Variants in MBNL3 observed in about 807,000 individuals in gnomAD.
MBNL3 encodes the protein muscleblind-like protein 3.
MBNL3 carries 6 observed loss-of-function variants against 24.5 expected under a neutral mutation model. The ratio of observed to expected loss-of-function variants is 0.25; its 90% confidence interval spans 0.13 to 0.48. The LOEUF is 0.48. MBNL3 is among the 20% of genes least tolerant of loss of function. MBNL3 has a pLI of 0.99. For missense variants in MBNL3, 230 were observed against 293.5 expected, an observed-to-expected ratio of 0.78 and a Z score of 1.58; for synonymous variants, 100 against 101.7, an observed-to-expected ratio of 0.98 and a Z score of 0.10.
chrX:132,396,913 T>C (rs1277841254), intron 3 of MBNL3, among the ~76,000 whole-genome samples: 2 of 71,425 alleles, frequency 2.8e-5, no homozygotes, highest in Non-Finnish European at 5.0e-5. Context: ...TATACATATA[T>C]ACATATATAT....
At chrX:132,461,695 T>C (rs1316471633) in intron 1 of MBNL3, among the ~76,000 whole-genome samples, 2 of 111,638 alleles carry the variant, frequency 1.8e-5, no homozygotes, top group Non-Finnish European at 3.8e-5. Flanking sequence ...CCAATGGCAG[T>C]ATTTCTTGTA....
chrX:132,384,736 A>G (rs1236273962), intron 6 of MBNL3, 38 bp from the exon 7 acceptor site: 23 of 1,049,437 alleles, frequency 2.2e-5, no homozygotes, highest in Non-Finnish European at 2.4e-5. Flanking sequence ...AGTAAAAGAG[A>G]TATTTGATTA....
Position 132,378,213 on chromosome X carries a change from G to A in MBNL3, c.*1453C>T, listed in dbSNP as rs1322539954. 1 of 111,635 alleles carries A rather than the reference G, an allele frequency of 9.0e-6. No individual in the cohort carries two copies. Among genetic ancestry groups the A allele is most frequent in the Non-Finnish European group, 1.9e-5 (1 of 53,074 alleles). 9.2% of individuals were successfully genotyped at this position (111,635 alleles called of 1,213,427 possible). A position where few individuals can be genotyped will look rare whatever the true frequency, so the allele number is the denominator to read the frequency against. The stretch of plus-strand genomic sequence containing the variant: ...GGGACACTTGCCATATATCACAGGT[G>A]CTTTCTCCTTCACTGAACTGTTTAA... On this transcript the variant is annotated 3_prime_UTR_variant, in exon 9 of 9. Coordinates refer to ENST00000370853, the MANE Select transcript of MBNL3 (RefSeq NM_001386889.1).
At chrX:132,411,797 G>A (rs939870270) in intron 2 of MBNL3, among the ~76,000 whole-genome samples, 3 of 111,396 alleles carry the variant, frequency 2.7e-5, no homozygotes, top group Admixed American at 9.5e-5. Flanking sequence ...CCTGTATAAC[G>A]GCAGAACTAC....
chrX:132,381,465 A>T (rs769312406), intron 8 of MBNL3: 4 of 915,546 alleles, frequency 4.4e-6, no homozygotes, highest in Middle Eastern at 2.8e-4. Context: ...AGATTAAAAT[A>T]GTTTCTTGGG....
At chrX:132,397,771 T>G (rs1183710763) in intron 3 of MBNL3, among the ~76,000 whole-genome samples, 4 of 111,155 alleles carry the variant, frequency 3.6e-5, no homozygotes, top group African/African-American at 1.3e-4. Context: ...CCATCAGACT[T>G]CACTTTCACA....
At chrX:132,443,521 T>C (rs781577727) in intron 1 of MBNL3, among the ~76,000 whole-genome samples, 6 of 112,190 alleles carry the variant, frequency 5.3e-5, no homozygotes. Flanking sequence ...ATCTAGCATC[T>C]ACTATGTGCC....
chrX:132,446,704 G>A (rs1945742364), intron 1 of MBNL3, among the ~76,000 whole-genome samples: 1 of 111,691 alleles, frequency 9.0e-6, no homozygotes, highest in African/African-American at 3.3e-5. Context: ...TCTGAAGGTC[G>A]CCTGTTCACT....
At chrX:132,456,375 G>A (rs899169579) in intron 1 of MBNL3, among the ~76,000 whole-genome samples, 1 of 112,214 alleles carries the variant, frequency 8.9e-6, no homozygotes, top group Non-Finnish European at 1.9e-5. Context: ...TTGCCTTGCT[G>A]AGCATATCAT....
chrX:132,462,410 G>A (rs1019577512), intron 1 of MBNL3, among the ~76,000 whole-genome samples: 2 of 112,356 alleles, frequency 1.8e-5, no homozygotes, highest in African/African-American at 6.5e-5. Context: ...CTTTTGCAAA[G>A]CAGACTGTAA....
chrX:132,472,925 C>T (rs1309364060), intron 1 of MBNL3, among the ~76,000 whole-genome samples: 6 of 111,453 alleles, frequency 5.4e-5, no homozygotes, highest in Non-Finnish European at 1.1e-4. Flanking sequence ...AGTGCAGATC[C>T]TGAAAGAGGG....
intron 3 of MBNL3, among the ~76,000 whole-genome samples, chrX:132,399,546 T>C (rs1403411028): frequency 9.0e-6 from 1 of 110,805 alleles, no homozygotes; most frequent in Non-Finnish European, 1.9e-5. Context: ...CACACCTTTT[T>C]ATACACAAAG....
At chrX:132,440,443 A>G (rs1487422015) in intron 1 of MBNL3, among the ~76,000 whole-genome samples, 129 bp from the exon 2 acceptor site, 1 of 112,279 alleles carries the variant, frequency 8.9e-6, no homozygotes, top group Non-Finnish European at 1.9e-5. Flanking sequence ...AGTGCAACAT[A>G]GTACAGTCAG....
At chrX:132,462,813 C>G (rs1221024060) in intron 1 of MBNL3, among the ~76,000 whole-genome samples, 1 of 111,153 alleles carries the variant, frequency 9.0e-6, no homozygotes, top group Non-Finnish European at 1.9e-5. Context: ...ACAGTTCTTT[C>G]CTATATAAAA....
At chrX:132,433,593 G>C (rs761874072) in intron 2 of MBNL3, among the ~76,000 whole-genome samples, 1 of 112,059 alleles carries the variant, frequency 8.9e-6, no homozygotes, top group Non-Finnish European at 1.9e-5. Context: ...TTGTCTTCGT[G>C]GAAATTATTC....
intron 2 of MBNL3, chrX:132,432,191 G>A (rs1209816262): frequency 9.0e-6 from 1 of 111,227 alleles, no homozygotes; most frequent in Non-Finnish European, 1.9e-5. Context: ...TAATATCTAT[G>A]GGAGAGGGAA....
At chrX:132,425,257 T>C (rs1222579806) in intron 2 of MBNL3, among the ~76,000 whole-genome samples, 1 of 111,654 alleles carries the variant, frequency 9.0e-6, no homozygotes, top group Non-Finnish European at 1.9e-5. Flanking sequence ...AAACCAGCAA[T>C]CATTATCCAG....
intron 2 of MBNL3, among the ~76,000 whole-genome samples, chrX:132,434,680 G>A (rs957669056): frequency 1.8e-5 from 2 of 111,841 alleles, no homozygotes; most frequent in African/African-American, 3.3e-5. Context: ...CAAGCACAAG[G>A]TGAGATGTAT....
intron 1 of MBNL3, among the ~76,000 whole-genome samples, chrX:132,451,543 C>T (rs892532238): frequency 9.0e-6 from 1 of 111,693 alleles, no homozygotes; most frequent in African/African-American, 3.3e-5. Context: ...CATCCCAGGT[C>T]GACTTCAGAC....
Sources: allele counts gnomAD v4.1 joint callset (sites outside exome capture counted in the v4.1 genomes callset), GRCh38; gene constraint gnomAD v4.1.1; transcripts MANE v1.5; gene names NCBI Gene and HGNC (gene_info 2026-07-23, HGNC 2026-07-21).